Variants in ARSB observed in about 807,000 individuals in gnomAD.
ARSB encodes arylsulfatase B, also known as N-acetylgalactosamine-4-sulfatase.
Under a neutral mutation model 50.9 loss-of-function variants are expected in ARSB, and 41 were observed. The ratio of observed to expected loss-of-function variants is 0.81; its 90% CI spans 0.63 to 1.04. ARSB has a LOEUF of 1.04. Ranked by LOEUF, ARSB falls within the 50% of genes least tolerant of loss-of-function variation. The probability of loss-of-function intolerance (pLI) is 0.00; values close to 1 mark genes in which losing one functional copy is unlikely to be tolerated. For missense variants in ARSB, 672 were observed against 693.3 expected (o/e 0.97, Z 0.35); for synonymous variants, 269 against 284.8 (o/e 0.94, Z 0.56).
chr5:78,946,259 G>C (rs1168830707), intron 4 of ARSB, among the ~76,000 whole-genome samples: 1 of 152,080 alleles, frequency 6.6e-6, no homozygotes. Context: ...AATCAGACAA[G>C]AGAAAGAAAT....
chr5:78,790,728 G>C (rs1417668570), intron 6 of ARSB, among the ~76,000 whole-genome samples: 1 of 152,054 alleles, frequency 6.6e-6, no homozygotes, highest in East Asian at 1.9e-4. Context: ...GTATAATATA[G>C]TTTCATTTTC....
At chr5:78,801,003 C>T (rs1743374572) in intron 6 of ARSB, among the ~76,000 whole-genome samples, 1 of 152,106 alleles carries the variant, frequency 6.6e-6, no homozygotes, top group Admixed American at 6.5e-5. Context: ...TAGTTGAGCA[C>T]CCTGGCTGGC....
At chr5:78,819,074 G>C (rs1454611193) in intron 6 of ARSB, among the ~76,000 whole-genome samples, 1 of 152,162 alleles carries the variant, frequency 6.6e-6, no homozygotes, top group African/African-American at 2.4e-5. Flanking sequence ...GATTTCCTTT[G>C]CTGTTAGGTT....
intron 6 of ARSB, among the ~76,000 whole-genome samples, chr5:78,805,381 G>C (rs1256812517): frequency 3.3e-5 from 5 of 152,210 alleles, no homozygotes; most frequent in Admixed American, 2.6e-4. Flanking sequence ...TTTATACCAA[G>C]TATGTGAAAA....
intron 5 of ARSB, among the ~76,000 whole-genome samples, chr5:78,852,326 G>C (rs1281297985): frequency 2.0e-5 from 3 of 152,118 alleles, no homozygotes; most frequent in Admixed American, 6.5e-5. Flanking sequence ...AGCTTAGTTT[G>C]GCTGGATATG....
rs138783270 is a variant in ARSB, at chr5:78,846,957, G to A, written c.1143-7531C>T. Among the ~76,000 whole-genome samples, 387 of 152,262 alleles carry A rather than the reference G, an allele frequency of 2.5e-3. 1 individual carries two copies. The highest frequency in any genetic ancestry group is 8.9e-3 in the African/African-American group (369 of 41,560). On this transcript the variant is annotated intron_variant, in intron 5 of 7. Transcript: ENST00000264914. ...CTAATTAGTTGAGTGTTTTGATTAT[G>A]AAGCGATGTTGAATTGTATCAAATC...
intron 5 of ARSB, among the ~76,000 whole-genome samples, chr5:78,882,282 A>C (rs1398157829): frequency 6.6e-6 from 1 of 152,176 alleles, no homozygotes; most frequent in African/African-American, 2.4e-5. Context: ...CCTGGGGAAG[A>C]AGGATTCTGG....
intron 4 of ARSB, among the ~76,000 whole-genome samples, chr5:78,945,830 C>G (rs1751204034): frequency 1.3e-5 from 2 of 152,156 alleles, no homozygotes; most frequent in African/African-American, 4.8e-5. Context: ...CAATCTCCTC[C>G]CCACCTGTGT....
intron 5 of ARSB, among the ~76,000 whole-genome samples, chr5:78,860,268 G>A (rs1297447225): frequency 1.3e-5 from 2 of 152,134 alleles, no homozygotes; most frequent in Admixed American, 1.3e-4. Flanking sequence ...AAGTCTCTTT[G>A]TAGGTCTCTA....
chr5:78,982,594 C>G (rs1018056178), intron 1 of ARSB, among the ~76,000 whole-genome samples: 3 of 152,200 alleles, frequency 2.0e-5, no homozygotes, highest in African/African-American at 7.2e-5. Flanking sequence ...TAACCTTGGG[C>G]AAGTTTCTTA....
chr5:78,939,109 C>G (rs1750772145), intron 4 of ARSB, among the ~76,000 whole-genome samples: 1 of 152,158 alleles, frequency 6.6e-6, no homozygotes, highest in African/African-American at 2.4e-5. Context: ...GTACTCTGGC[C>G]ATGGGCTTCA....
At chr5:78,842,205 G>A (rs142428187) in intron 5 of ARSB, among the ~76,000 whole-genome samples, 1 of 152,252 alleles carries the variant, frequency 6.6e-6, no homozygotes, top group African/African-American at 2.4e-5. Context: ...CCAAGAAGGT[G>A]GGTTCAAGTC....
At chr5:78,812,624 CACACACAT>C (rs887481735) in intron 6 of ARSB, among the ~76,000 whole-genome samples, 14 of 144,870 alleles carry the variant, frequency 9.7e-5, no homozygotes, top group East Asian at 8.2e-4. Flanking sequence ...CACACACACA[CACACACAT>C]GATATCACAA....
Position 78,955,312 on chromosome 5 carries a change from A to G in ARSB, c.881T>C (p.Val294Ala), listed in dbSNP as rs1235850804. The stretch of plus-strand genomic sequence containing the variant: ...AGACTTACCTGTAGAAAAGATGAAC[A>G]CCGTGTTGTTCCAGAGCCCACTGCT... ...LKSSGLWNNTVFIFSTDNGGQ... is the reference protein window; with the variant it reads ...LKSSGLWNNTAFIFSTDNGGQ... The change falls in exon 4 of 8, where the codon GTG (valine) becomes GCG (alanine). Residue 294 changes from valine to alanine, a missense_variant. Coordinates refer to ENST00000264914, the MANE Select transcript of ARSB (RefSeq NM_000046.5). 1 of 1,614,156 alleles carries G rather than the reference A, an allele frequency of 6.2e-7. No homozygotes were observed. Among genetic ancestry groups the G allele is most frequent in the East Asian group, 2.2e-5 (1 of 44,878 alleles).
intron 6 of ARSB, among the ~76,000 whole-genome samples, chr5:78,808,023 G>A (rs28710792): frequency 0.21 from 27,554 of 133,900 alleles, 4,519 homozygotes; most frequent in African/African-American, 0.46. Context: ...AACCCGGGAG[G>A]CGGAGCTTGC....
At chr5:78,789,260 T>C (rs1420063367) in intron 6 of ARSB, among the ~76,000 whole-genome samples, 1 of 152,260 alleles carries the variant, frequency 6.6e-6, no homozygotes, top group Non-Finnish European at 1.5e-5. Flanking sequence ...ATTTATTAGT[T>C]GCTGTTAACA....
intron 5 of ARSB, among the ~76,000 whole-genome samples, chr5:78,870,892 A>T (rs1281117251): frequency 3.9e-5 from 6 of 152,234 alleles, no homozygotes; most frequent in Admixed American, 6.5e-5. Flanking sequence ...TTTGCAGATT[A>T]CATGATTGTT....
chr5:78,942,484 CT>C (rs1348486035), intron 4 of ARSB, among the ~76,000 whole-genome samples: 1 of 152,142 alleles, frequency 6.6e-6, no homozygotes, highest in Non-Finnish European at 1.5e-5. Flanking sequence ...TATGTTGTAT[CT>C]TTTTTCTCAT....
Position 78,859,206 on chromosome 5 carries a change from A to C in ARSB, c.1143-19780T>G, listed in dbSNP as rs543930011. Among the ~76,000 whole-genome samples, 4 of 152,326 alleles carry C rather than the reference A, an allele frequency of 2.6e-5. No individual in the cohort carries two copies. The South Asian group carries it at 8.3e-4, about 32-fold the overall frequency. The stretch of plus-strand genomic sequence containing the variant: ...CCATAAATTAAGAGTATAGGCACGG[A>C]AATTAGAAAATGTTGATGAAATTCA... On this transcript the variant is annotated intron_variant, in intron 5 of 7. Transcript: ENST00000264914.
Sources: allele counts gnomAD v4.1 joint callset (sites outside exome capture counted in the v4.1 genomes callset), GRCh38; gene constraint gnomAD v4.1.1; transcripts MANE v1.5; gene names NCBI Gene and HGNC (gene_info 2026-07-23, HGNC 2026-07-21).